The following PIGN variants were observed in gnomAD, a reference collection of about 807,000 sequenced individuals.
PIGN encodes phosphatidylinositol glycan anchor biosynthesis class N.
In PIGN, 117 loss-of-function variants were observed where a neutral mutation model predicts 125.4. The observed-to-expected ratio is 0.93, with a 90% CI of 0.80 to 1.09. The LOEUF is 1.09. Ranked by LOEUF, PIGN falls within the 50% of genes least tolerant of loss-of-function variation. The probability of loss-of-function intolerance (pLI) is 0.00; values close to 1 mark genes in which losing one functional copy is unlikely to be tolerated. For missense variants in PIGN, 1,075 were observed against 1,094.9 expected, an observed-to-expected ratio of 0.98 and a Z score of 0.26; for synonymous variants, 392 against 377.8, an observed-to-expected ratio of 1.04 and a Z score of -0.44.
chr18:62,021,231 G>C (rs528862641), intron 23 of PIGN, among the ~76,000 whole-genome samples: 1 of 152,228 alleles, frequency 6.6e-6, no homozygotes, highest in African/African-American at 2.4e-5. Flanking sequence ...ATTAAAAACC[G>C]CCAAACAGAG....
chr18:62,114,736 A>T, intron 14 of PIGN, 97 bp from the exon 15 acceptor site: 1 of 553,142 alleles, frequency 1.8e-6, no homozygotes, highest in Non-Finnish European at 3.0e-6. Context: ...AGTGAAAATT[A>T]CAAAACAGCA....
Position 62,161,188 on chromosome 18 carries a change from C to T in PIGN, c.166G>A (p.Ala56Thr), listed in dbSNP as rs780029860. ...LVLFVADGLR[A>T]DALYELDENG... The stretch of plus-strand genomic sequence containing the variant: ...TCATCTAATTCGTAAAGTGCATCTG[C>T]TCGAAGGCCATCAGCAACAAACAAC... The change falls in exon 4 of 31, where the codon GCA (alanine) becomes ACA (threonine). Residue 56 changes from alanine (A) to threonine (T), a missense_variant. By Grantham distance (58) the Ala-to-Thr change is moderately conservative (BLOSUM62 0). Around this residue, in one of 3 missense-constraint regions of PIGN, gnomAD observed 152 missense variants for 162.9 expected, o/e 0.93. Transcript: ENST00000640252. The T allele has an allele frequency of 4.3e-6, 7 of 1,613,766 alleles. No homozygotes were observed. The highest frequency in any genetic ancestry group is 3.3e-5 in the Admixed American group (2 of 60,000).
rs539108247 is a variant in PIGN at position 62,151,165 on chromosome 18, T to A, written c.550-2827A>T. 2.0e-4 allele frequency among the ~76,000 whole-genome samples: 30 copies of A among 152,276 alleles called. 1 individual carries two copies. In the South Asian group the frequency reaches 4.8e-3, roughly 24 times the overall value. ...AACCCATCCTAAATTGAAACTATTG[T>A]AGGTCAAAAATGCATGTAATATACC... On this transcript the variant is annotated intron_variant, in intron 7 of 30. Transcript: ENST00000640252.
intron 30 of PIGN, among the ~76,000 whole-genome samples, chr18:62,058,265 T>A (rs1415424627): frequency 6.6e-6 from 1 of 152,276 alleles, no homozygotes; most frequent in African/African-American, 2.4e-5. Flanking sequence ...GTTTAATCTG[T>A]AACATTTATA....
chr18:62,084,256 T>C (rs1302763858), intron 27 of PIGN, among the ~76,000 whole-genome samples: 1 of 152,208 alleles, frequency 6.6e-6, no homozygotes, highest in Non-Finnish European at 1.5e-5. Context: ...GCACTGCAGT[T>C]TGATCCATAG....
chr18:62,148,517 AAAT>A (rs1163262032), intron 7 of PIGN, among the ~76,000 whole-genome samples, 179 bp from the exon 8 acceptor site: 2 of 152,148 alleles, frequency 1.3e-5, no homozygotes. Context: ...ATCTATGTTC[AAAT>A]AATGAGTTAG....
chr18:62,039,098 C>A (rs1442483194), downstream of PIGN, among the ~76,000 whole-genome samples: 3 of 151,890 alleles, frequency 2.0e-5, no homozygotes, highest in Admixed American at 6.6e-5. Context: ...CAGAAAAAAA[C>A]CAGTGAACCA....
Position 62,099,139 on chromosome 18 carries a change from GA to G in PIGN, c.2077+1935del, listed in dbSNP as rs1169018038. ...GCTCAACTCACCTTTTTAGTTAAAA[GA>G]AAAAAAATTGTCGAATTGGCATATA... is the stretch of plus-strand genomic sequence containing the variant. On this transcript the variant is annotated intron_variant, in intron 22 of 30. Transcript: ENST00000640252. Among the ~76,000 whole-genome samples the G allele has an allele frequency of 1.3e-4, 19 of 151,676 alleles. 1 individual carries two copies. Among genetic ancestry groups the G allele is most frequent in the South Asian group, 1.0e-3 (5 of 4,786 alleles).
At chr18:62,128,400 A>C (rs2035614138) in intron 14 of PIGN, among the ~76,000 whole-genome samples, 1 of 152,222 alleles carries the variant, frequency 6.6e-6, no homozygotes, top group South Asian at 2.1e-4. Flanking sequence ...GAAACTCCTA[A>C]ATGATCAGAC....
At chr18:62,035,276 C>T (rs530047390) in intron 23 of PIGN, among the ~76,000 whole-genome samples, 93 of 152,214 alleles carry the variant, frequency 6.1e-4, no homozygotes, top group Non-Finnish European at 1.1e-3. Flanking sequence ...AGAATGAGAA[C>T]GAACTGATAC....
chr18:62,049,612 T>A (rs1820667429), intron 30 of PIGN, among the ~76,000 whole-genome samples: 1 of 148,310 alleles, frequency 6.7e-6, no homozygotes, highest in Non-Finnish European at 1.5e-5. Context: ...CTTTGTCAGA[T>A]GAGTAGGTTG....
intron 30 of PIGN, among the ~76,000 whole-genome samples, chr18:62,057,176 A>C (rs1311850435): frequency 6.6e-6 from 1 of 151,998 alleles, no homozygotes; most frequent in African/African-American, 2.4e-5. Flanking sequence ...TTACCACACA[A>C]ATGTGTAATT....
intron 30 of PIGN, among the ~76,000 whole-genome samples, chr18:62,070,832 A>C (rs1025423): frequency 0.18 from 27,444 of 152,034 alleles, 3,258 homozygotes; most frequent in Middle Eastern, 0.29. Context: ...GATATGGGAT[A>C]TCACTCTGTG....
intron 23 of PIGN, among the ~76,000 whole-genome samples, chr18:62,093,427 G>A (rs2146158020): frequency 6.6e-6 from 1 of 152,148 alleles, no homozygotes; most frequent in South Asian, 2.1e-4. Context: ...GGCTCAGGGA[G>A]AACATAATGA....
intron 17 of PIGN, among the ~76,000 whole-genome samples, chr18:62,108,613 CAG>C (rs2034748447): frequency 6.7e-6 from 1 of 149,700 alleles, no homozygotes; most frequent in Admixed American, 6.7e-5. Flanking sequence ...TTTTTTGAGA[CAG>C]AGTCTCACTC....
At chr18:62,123,060 G>A (rs1270941804) in intron 14 of PIGN, among the ~76,000 whole-genome samples, 1 of 152,062 alleles carries the variant, frequency 6.6e-6, no homozygotes, top group Non-Finnish European at 1.5e-5. Context: ...GATTGCTTGA[G>A]GCCAGGAGCT....
rs1476934623 is a variant in PIGN, at chr18:62,145,874, G to A, written c.922+35C>T. ...TTAAACTTTGTTCTTATTTTAAGAG[G>A]TTGTATTTATAAACCAGTAAAGAAA... On this transcript the variant is annotated intron_variant, in intron 10 of 30. Coordinates refer to ENST00000640252, the MANE Select transcript of PIGN (RefSeq NM_176787.5). 3.9e-6 allele frequency: 4 copies of A among 1,017,642 alleles called. No individual in the cohort carries two copies. In the Admixed American group the frequency reaches 5.6e-5, roughly 14 times the overall value. 63.0% of individuals were successfully genotyped at this position (1,017,642 alleles called of 1,614,324 possible). A position where few individuals can be genotyped will look rare whatever the true frequency, so the allele number is the denominator to read the frequency against.
chr18:62,158,941 T>C (rs979388957), intron 4 of PIGN, among the ~76,000 whole-genome samples: 3 of 152,238 alleles, frequency 2.0e-5, no homozygotes, highest in Non-Finnish European at 4.4e-5. Context: ...AACATTAGTT[T>C]AGATCACGTT....
At chr18:62,178,000 G>C (rs1257971386) in intron 1 of PIGN, among the ~76,000 whole-genome samples, 1 of 152,010 alleles carries the variant, frequency 6.6e-6, no homozygotes, top group Non-Finnish European at 1.5e-5. Context: ...GGATCTTTCT[G>C]GGAATGCATT....
Sources: allele counts gnomAD v4.1 joint callset (sites outside exome capture counted in the v4.1 genomes callset), GRCh38; gene constraint gnomAD v4.1.1; regional missense constraint gnomAD v4.1.1; transcripts MANE v1.5; gene names NCBI Gene and HGNC (gene_info 2026-07-23, HGNC 2026-07-21).